Variants in ASTN1 observed in about 807,000 individuals in gnomAD.
The protein encoded by ASTN1 is astrotactin-1.
In ASTN1, 41 loss-of-function variants were observed where a neutral mutation model predicts 140.7. That is an observed-to-expected ratio of 0.29 (90% CI 0.23 to 0.38). The LOEUF is 0.38. Ranked by LOEUF, ASTN1 falls within the 10% of genes least tolerant of loss-of-function variation. The pLI is 1.00. For synonymous variants in ASTN1, 640 were observed against 652.2 expected (o/e 0.98, Z 0.29); for missense variants, 1,479 against 1,678.8 (o/e 0.88, Z 2.08).
chr1:176,894,917 A>C, intron 16 of ASTN1, 87 bp from the exon 17 acceptor site: 1 of 1,538,332 alleles, frequency 6.5e-7, no homozygotes, highest in Non-Finnish European at 8.9e-7. Flanking sequence ...GCTGGGGTCC[A>C]ATCTTTGGGA....
At chr1:177,110,794 C>A (rs1680790656) in intron 1 of ASTN1, among the ~76,000 whole-genome samples, 1 of 152,094 alleles carries the variant, frequency 6.6e-6, no homozygotes, top group Non-Finnish European at 1.5e-5. Flanking sequence ...AAGCCCATAC[C>A]CTGCGCTGTT....
intron 7 of ASTN1, among the ~76,000 whole-genome samples, chr1:177,016,113 G>A (rs1300444861): frequency 6.6e-6 from 1 of 152,096 alleles, no homozygotes; most frequent in African/African-American, 2.4e-5. Flanking sequence ...ACGAAGTGAA[G>A]GGGCCTCACA....
intron 1 of ASTN1, among the ~76,000 whole-genome samples, chr1:177,127,965 A>G (rs1327056392): frequency 2.0e-5 from 3 of 152,120 alleles, no homozygotes; most frequent in Admixed American, 6.6e-5. Flanking sequence ...ATAACTTACA[A>G]TGCCCTAGTG....
intron 1 of ASTN1, among the ~76,000 whole-genome samples, chr1:177,155,298 A>G (rs2102255146): frequency 6.6e-6 from 1 of 152,364 alleles, no homozygotes; most frequent in East Asian, 1.9e-4. Context: ...ATATTACACC[A>G]TACATGTGTG....
chr1:177,004,967 C>A (rs1674920799), intron 8 of ASTN1, among the ~76,000 whole-genome samples: 1 of 151,982 alleles, frequency 6.6e-6, no homozygotes, highest in South Asian at 2.1e-4. Context: ...AAACCAAAAA[C>A]AAATCAATGG....
chr1:176,915,168 C>T (rs1670427609), intron 16 of ASTN1, among the ~76,000 whole-genome samples: 1 of 152,140 alleles, frequency 6.6e-6, no homozygotes, highest in Non-Finnish European at 1.5e-5. Context: ...TCACTTCTTG[C>T]AGATCATTTC....
chr1:177,078,411 CCCTT>C (rs1553253376), intron 1 of ASTN1, among the ~76,000 whole-genome samples: 2 of 152,112 alleles, frequency 1.3e-5, no homozygotes, highest in Non-Finnish European at 2.9e-5. Context: ...GATGTGAACA[CCCTT>C]TGGGAGATCT....
Position 176,863,775 on chromosome 1 carries a change from T to C in ASTN1, c.*509A>G. On this transcript the variant is annotated 3_prime_UTR_variant, in exon 23 of 23. Transcript: ENST00000361833. ...AAGGGCCACCTTCCTCAATTTTCTA[T>C]TGTCTCTCTCTGTGAGCAGGGCCAA... The C allele has an allele frequency of 1.0e-5, 10 of 987,496 alleles. No homozygotes were observed. Among genetic ancestry groups the C allele is most frequent in the African/African-American group, 1.7e-5 (1 of 57,370 alleles). The allele number at this position is 987,496 out of a possible 1,614,324, so 61.2% of individuals were successfully genotyped here.
intron 16 of ASTN1, among the ~76,000 whole-genome samples, chr1:176,896,270 C>T (rs1669501778): frequency 6.6e-6 from 1 of 152,196 alleles, no homozygotes; most frequent in East Asian, 1.9e-4. Flanking sequence ...TCATCGCATA[C>T]TTGCATTTTG....
At chr1:177,108,372 G>GA (rs1342718279) in intron 1 of ASTN1, among the ~76,000 whole-genome samples, 1 of 143,788 alleles carries the variant, frequency 7.0e-6, no homozygotes, top group Non-Finnish European at 1.5e-5. Context: ...AAAAAGAAAA[G>GA]AAAAAAAGAA....
intron 2 of ASTN1, among the ~76,000 whole-genome samples, chr1:177,035,933 T>G (rs1180606588): frequency 6.6e-6 from 1 of 152,192 alleles, no homozygotes. Context: ...AACAGAAGAT[T>G]TGTTTTGCTA....
chr1:176,916,141 C>T (rs930261537), intron 16 of ASTN1, among the ~76,000 whole-genome samples: 2 of 152,084 alleles, frequency 1.3e-5, no homozygotes, highest in African/African-American at 4.8e-5. Flanking sequence ...TGACTGAGTC[C>T]ATCTGGATTC....
At chr1:177,114,473 TA>T (rs1437041198) in intron 1 of ASTN1, among the ~76,000 whole-genome samples, 1 of 152,116 alleles carries the variant, frequency 6.6e-6, no homozygotes, top group Non-Finnish European at 1.5e-5. Context: ...AAGATAATTA[TA>T]GATTTATATG....
At chr1:177,068,305 T>C (rs146979273) in intron 1 of ASTN1, among the ~76,000 whole-genome samples, 145 of 152,246 alleles carry the variant, frequency 9.5e-4, no homozygotes, top group African/African-American at 3.0e-3. Context: ...TAGAGCAAAA[T>C]AGCTTAAAAT....
chr1:177,018,654 G>A (rs1476564003), intron 7 of ASTN1, among the ~76,000 whole-genome samples: 1 of 152,196 alleles, frequency 6.6e-6, no homozygotes. Context: ...GGCCAGGATT[G>A]ATGGGGGCTG....
At chr1:177,012,168 T>C (rs560639077) in intron 8 of ASTN1, among the ~76,000 whole-genome samples, 1 of 152,372 alleles carries the variant, frequency 6.6e-6, no homozygotes, top group African/African-American at 2.4e-5. Flanking sequence ...GTTGGCAATC[T>C]GTCAGACAGT....
chr1:177,092,036 T>C (rs1017531031), intron 1 of ASTN1, among the ~76,000 whole-genome samples: 1 of 152,196 alleles, frequency 6.6e-6, no homozygotes, highest in African/African-American at 2.4e-5. Context: ...AATGACTGGG[T>C]CATATGGTAA....
Position 177,032,538 on chromosome 1 carries a change from C to G in ASTN1, c.783G>C (p.Gly261=), listed in dbSNP as rs768248271. The change falls in exon 3 of 23, where the codon GGG becomes GGC. Residue 261 remains glycine (G), a synonymous_variant. Coordinates refer to ENST00000361833, the MANE Select transcript of ASTN1 (RefSeq NM_004319.3). The stretch of plus-strand genomic sequence containing the variant: ...GCGTGACCTGGCTGGCAAAGTCCTC[C>G]CCTCCGTTCATGCACTCCCTCTGCA... The part of the protein sequence containing the change: ...HHLQRECMNG[G]EDFASQVTRT... 2.2e-5 allele frequency: 35 copies of G among 1,614,016 alleles called. No homozygotes were observed. Among genetic ancestry groups the G allele is most frequent in the Non-Finnish European group, 2.9e-5 (34 of 1,180,026 alleles).
Position 176,888,127 on chromosome 1 carries a change from G to A in ASTN1, c.3018C>T (p.Asp1006=), listed in dbSNP as rs1303443255. The A allele has an allele frequency of 1.9e-6, 3 of 1,614,158 alleles. No individual in the cohort carries two copies. Among genetic ancestry groups the A allele is most frequent in the East Asian group, 2.2e-5 (1 of 44,878 alleles). ...GTCCATCAGCTCCAAAAGCAGTGGA[G>A]TCACATCGACACCAGTCCTCGATGA... ...GDVIEDWCRC[D]STAFGADGLP... is the part of the protein sequence containing the mutation. Residue 1006 remains aspartate (D), a synonymous_variant, in exon 18 of 23, where the codon GAC becomes GAT. Coordinates refer to ENST00000361833, the MANE Select transcript of ASTN1 (RefSeq NM_004319.3).
Sources: allele counts gnomAD v4.1 joint callset (sites outside exome capture counted in the v4.1 genomes callset), GRCh38; gene constraint gnomAD v4.1.1; transcripts MANE v1.5; gene names NCBI Gene and HGNC (gene_info 2026-07-23, HGNC 2026-07-21).